The following RASGRF2 variants were observed in gnomAD, a reference collection of about 807,000 sequenced individuals.
RASGRF2 encodes ras-specific guanine nucleotide-releasing factor 2.
In RASGRF2, 76 loss-of-function variants were observed where a neutral mutation model predicts 151.0. The observed-to-expected ratio is 0.50, with a 90% confidence interval of 0.42 to 0.61. RASGRF2 has a LOEUF of 0.61. Among genes scored for constraint, RASGRF2 ranks in the 20% least tolerant of loss-of-function variants. The pLI is 0.00. For synonymous variants in RASGRF2, 504 were observed against 566.5 expected (o/e 0.89, Z 1.57); for missense variants, 1,148 against 1,564.6 (o/e 0.73, Z 4.49).
intron 2 of RASGRF2, among the ~76,000 whole-genome samples, chr5:81,058,692 A>G (rs1392375558): frequency 6.7e-6 from 1 of 148,732 alleles, no homozygotes; most frequent in Non-Finnish European, 1.5e-5. Context: ...AGTCCCAGCT[A>G]CTTGAGAGGC....
In RASGRF2 at chr5:81,109,095, T is replaced by C; in HGVS notation, c.1838+17T>C. 5.0e-6 allele frequency: 8 copies of C among 1,599,448 alleles called. No individual in the cohort carries two copies. Among genetic ancestry groups the C allele is most frequent in the Non-Finnish European group, 6.8e-6 (8 of 1,169,724 alleles). ...TATGATTAAGTAAGTGTGAGAATCC[T>C]TTCCTTTACATTTTAATCAAGATTA... On this transcript the variant is annotated intron_variant, in intron 13 of 26. Transcript: ENST00000265080.
chr5:81,154,437 C>G (rs1408184624), intron 17 of RASGRF2, among the ~76,000 whole-genome samples: 3 of 152,018 alleles, frequency 2.0e-5, no homozygotes, highest in Non-Finnish European at 4.4e-5. Context: ...ACTATGTTGC[C>G]CAGGCTGGTC....
chr5:81,218,139 C>T (rs1755783643), intron 25 of RASGRF2, among the ~76,000 whole-genome samples: 2 of 152,144 alleles, frequency 1.3e-5, no homozygotes, highest in Admixed American at 1.3e-4. Context: ...CTGCCTTGGC[C>T]TCCCAAAGTG....
chr5:81,144,559 C>G (rs761458767), intron 17 of RASGRF2, among the ~76,000 whole-genome samples: 7 of 152,118 alleles, frequency 4.6e-5, no homozygotes, highest in Non-Finnish European at 8.8e-5. Flanking sequence ...GTGAAGCTCC[C>G]AAAGCTTCAC....
At chr5:81,124,025 CT>C (rs1199688909) in intron 16 of RASGRF2, among the ~76,000 whole-genome samples, 3 of 152,124 alleles carry the variant, frequency 2.0e-5, no homozygotes, top group South Asian at 2.1e-4. Context: ...CATGTACATA[CT>C]TTTTTTCTTG....
chr5:81,157,246 C>T (rs945675714), intron 17 of RASGRF2, among the ~76,000 whole-genome samples: 5 of 150,376 alleles, frequency 3.3e-5, no homozygotes, highest in African/African-American at 7.3e-5. Flanking sequence ...CCCAGCTACT[C>T]GGAGAGGCTG....
chr5:81,219,123 G>T (rs1225821907), intron 25 of RASGRF2, among the ~76,000 whole-genome samples: 1 of 150,636 alleles, frequency 6.6e-6, no homozygotes, highest in East Asian at 1.9e-4. Context: ...CCAGGCTGGA[G>T]TGCAGTGGCC....
At chr5:81,062,004 A>C (rs1332908974) in intron 2 of RASGRF2, among the ~76,000 whole-genome samples, 3 of 141,192 alleles carry the variant, frequency 2.1e-5, no homozygotes, top group Non-Finnish European at 3.1e-5. Flanking sequence ...TGACAAAAAA[A>C]AAAAAAAAAA....
At chr5:81,087,911 A>T (rs770317953) in intron 9 of RASGRF2, 17 of 153,036 alleles carry the variant, frequency 1.1e-4, no homozygotes, top group Non-Finnish European at 2.2e-4. Context: ...ATCAAGAACA[A>T]GACAATGTTT....
At chr5:81,168,776 C>T (rs1244921217) in intron 17 of RASGRF2, among the ~76,000 whole-genome samples, 1 of 152,172 alleles carries the variant, frequency 6.6e-6, no homozygotes, top group African/African-American at 2.4e-5. Context: ...AATGACTGAC[C>T]CAGGTCACTG....
chr5:81,028,536 A>T (rs1326973707), intron 1 of RASGRF2, among the ~76,000 whole-genome samples: 1 of 152,198 alleles, frequency 6.6e-6, no homozygotes, highest in Admixed American at 6.5e-5. Flanking sequence ...GGACTCATAA[A>T]GATATGGAAA....
At position 81,227,103 on chromosome 5, in the gene RASGRF2, G is replaced by A. The variant is rs1756016672; in HGVS notation, c.*1333G>A. The A allele has an allele frequency of 6.6e-6, 1 of 152,186 alleles. No homozygotes were observed. Among genetic ancestry groups the A allele is most frequent in the African/African-American group, 2.4e-5 (1 of 41,450 alleles). 9.4% of individuals were successfully genotyped at this position (152,186 alleles called of 1,614,324 possible). On this transcript the variant is annotated 3_prime_UTR_variant, in exon 27 of 27. Transcript: ENST00000265080. ...AATATAGTTCTATTTCCCTGAACCT[G>A]TTGCACCTGACATTTTCTCTTAGCA...
intron 14 of RASGRF2, 98 bp from the exon 15 acceptor site, chr5:81,113,440 T>A (rs998345927): frequency 3.7e-6 from 5 of 1,362,906 alleles, no homozygotes; most frequent in South Asian, 1.4e-5. Flanking sequence ...TGCAATGAGA[T>A]TGTGACCTAT....
chr5:81,049,425 A>G (rs1750939288), intron 2 of RASGRF2, among the ~76,000 whole-genome samples: 1 of 152,124 alleles, frequency 6.6e-6, no homozygotes, highest in Admixed American at 6.5e-5. Flanking sequence ...ACATTAGTTT[A>G]TAGGGATCTA....
At chr5:80,995,685 C>CCG (rs1748824544) in intron 1 of RASGRF2, among the ~76,000 whole-genome samples, 1 of 19,330 alleles carries the variant, frequency 5.2e-5, no homozygotes, top group Non-Finnish European at 1.2e-4. Context: ...TCCTTTCCTT[C>CCG]CCCCCCCCTT....
intron 3 of RASGRF2, among the ~76,000 whole-genome samples, chr5:81,068,565 C>G (rs898335099): frequency 6.6e-6 from 1 of 152,104 alleles, no homozygotes; most frequent in African/African-American, 2.4e-5. Flanking sequence ...AAGGGAGAAC[C>G]AGCAATGAAT....
intron 1 of RASGRF2, among the ~76,000 whole-genome samples, chr5:81,014,506 C>T (rs1749568569): frequency 2.6e-5 from 4 of 152,166 alleles, no homozygotes; most frequent in Admixed American, 1.3e-4. Flanking sequence ...GACTTGCCCC[C>T]ATGATTCAGT....
intron 12 of RASGRF2, among the ~76,000 whole-genome samples, chr5:81,099,917 T>TC (rs1187159163): frequency 6.7e-6 from 1 of 148,324 alleles, no homozygotes; most frequent in Non-Finnish European, 1.5e-5. Flanking sequence ...CTTTTTTTTT[T>TC]TTTTTTTTGA....
chr5:81,220,910 G>T (rs958498045), intron 26 of RASGRF2, among the ~76,000 whole-genome samples: 2 of 152,138 alleles, frequency 1.3e-5, no homozygotes, highest in African/African-American at 4.8e-5. Context: ...CTTGGTTGTG[G>T]TGGTTTCTTA....
Sources: allele counts gnomAD v4.1 joint callset (sites outside exome capture counted in the v4.1 genomes callset), GRCh38; gene constraint gnomAD v4.1.1; transcripts MANE v1.5; gene names NCBI Gene and HGNC (gene_info 2026-07-23, HGNC 2026-07-21).